UPK1A: variants seen among roughly 807,000 people sequenced by gnomAD.
UPK1A encodes uroplakin 1A, also known as uroplakin-1a.
A neutral mutation model predicts 32.3 loss-of-function variants in UPK1A; 31 were observed. That is an observed-to-expected ratio of 0.96 (90% CI 0.72 to 1.30). The LOEUF is 1.30. Among genes scored for constraint, UPK1A ranks in the 50% most tolerant of loss-of-function variants. The pLI is 0.00. For missense variants in UPK1A, 340 were observed against 357.4 expected (o/e 0.95, Z 0.39); for synonymous variants, 135 against 137.1 (o/e 0.98, Z 0.11).
chr19:35,673,302 A>G (rs1453889092), exon 4 of UPK1A: 1 of 1,613,984 alleles, frequency 6.2e-7, no homozygotes, highest in Non-Finnish European at 8.5e-7. Context: ...ACCCACCGTG[A>G]CTACGTGAGC....
intron 3 of UPK1A, among the ~76,000 whole-genome samples, chr19:35,672,077 A>G (rs921371022): frequency 4.6e-5 from 7 of 152,322 alleles, no homozygotes; most frequent in South Asian, 2.1e-4. Context: ...CTGCTGCTTT[A>G]TAGATGAAGG....
intron 3 of UPK1A, among the ~76,000 whole-genome samples, chr19:35,671,255 C>T (rs754533339): frequency 1.1e-4 from 17 of 149,908 alleles, no homozygotes; most frequent in South Asian, 2.1e-4. Flanking sequence ...GGCGTGGTGG[C>T]GGGCGCCTGT....
At chr19:35,675,062 A>G (rs1968161377) in intron 5 of UPK1A, among the ~76,000 whole-genome samples, 2 of 151,104 alleles carry the variant, frequency 1.3e-5, no homozygotes, top group Non-Finnish European at 2.9e-5. Flanking sequence ...AAAAAAAAGA[A>G]GAAGAAATTG....
chr19:35,674,226 T>A (rs1290488208), intron 5 of UPK1A, among the ~76,000 whole-genome samples: 1 of 150,788 alleles, frequency 6.6e-6, no homozygotes, highest in East Asian at 1.9e-4. Context: ...AGCACATTTT[T>A]TTTTTTCTTT....
chr19:35,674,403 C>T lies in UPK1A; in HGVS notation c.468+858C>T, dbSNP rs1007669893. Among the ~76,000 whole-genome samples the T allele has an allele frequency of 7.2e-5, 11 of 151,942 alleles. No homozygotes were observed. The East Asian group carries it at 7.8e-4, about 11-fold the overall frequency. On this transcript the variant is annotated intron_variant, in intron 5 of 7. Transcript: ENST00000617999. ...CTGGGACTACAGGCGCCTGCCACCG[C>T]GCCCAGCTGATTTTTTGTATTTTTA... is the stretch of plus-strand genomic sequence containing the variant.
At chr19:35,668,391 G>A in intron 2 of UPK1A, 63 bp from the exon 3 acceptor site, 1 of 1,601,686 alleles carries the variant, frequency 6.2e-7, no homozygotes, top group Non-Finnish European at 8.5e-7. Context: ...CTTGCTCGTG[G>A]AGATGCCTGG....
chr19:35,674,241 C>CTTTTTTTTTTTTTTTTTTT (rs35857173), intron 5 of UPK1A, among the ~76,000 whole-genome samples: 2 of 98,978 alleles, frequency 2.0e-5, no homozygotes, highest in Non-Finnish European at 3.9e-5. Flanking sequence ...TTCTTTTTAT[C>CTTTTTTTTTTTTTTTTTTT]TTTTTTTTTT....
chr19:35,673,200 C>T (rs199987553), intron 3 of UPK1A, 32 bp from the exon 4 acceptor site: 19 of 1,610,674 alleles, frequency 1.2e-5, no homozygotes, highest in Admixed American at 1.7e-5. Flanking sequence ...ACGGGCTCTG[C>T]CCGACGGGCC....
exon 6 of UPK1A, chr19:35,675,914 G>A: frequency 1.2e-6 from 2 of 1,613,910 alleles, no homozygotes; most frequent in Non-Finnish European, 1.7e-6. Flanking sequence ...CCACTCCGGA[G>A]GTGGTGTTCC....
At chr19:35,678,051 C>G in exon 8 of UPK1A, 3 of 1,542,478 alleles carry the variant, frequency 1.9e-6, no homozygotes, top group Non-Finnish European at 2.6e-6. Context: ...ATACACACCC[C>G]GGACTCCTCC....
chr19:35,668,812 A>G (rs1968042709), intron 3 of UPK1A, 158 bp downstream of exon 3: 5 of 845,984 alleles, frequency 5.9e-6, no homozygotes, highest in Non-Finnish European at 8.9e-6. Context: ...CCACAGCCCA[A>G]TAACCCAGGC....
chr19:35,668,068 G>T, intron 2 of UPK1A: 1 of 299,406 alleles, frequency 3.3e-6, no homozygotes, highest in Non-Finnish European at 6.5e-6. Flanking sequence ...GACTGCAGGT[G>T]TGAGCCACCT....
intron 3 of UPK1A, 151 bp downstream of exon 3, chr19:35,668,805 C>T (rs1968042589): frequency 2.3e-6 from 2 of 887,330 alleles, no homozygotes; most frequent in Non-Finnish European, 3.4e-6. Context: ...AGTCTTCCCA[C>T]AGCCCAATAA....
intron 5 of UPK1A, 23 bp downstream of exon 5, chr19:35,673,568 T>A (rs370210665): frequency 6.2e-7 from 1 of 1,608,958 alleles, no homozygotes; most frequent in Non-Finnish European, 8.5e-7. Context: ...GACCGGGTGC[T>A]GGGAGGGCCC....
In UPK1A at chr19:35,674,279, C is replaced by T. The variant is rs188517810; in HGVS notation, c.468+734C>T. Among the ~76,000 whole-genome samples the T allele has an allele frequency of 6.3e-3, 755 of 120,652 alleles. 4 individuals carry two copies. The highest frequency in any genetic ancestry group is 0.024 in the African/African-American group (731 of 30,988). 79.2% of individuals were successfully genotyped at this position (120,652 alleles called of 152,430 possible). A position where few individuals can be genotyped will look rare whatever the true frequency, so the allele number is the denominator to read the frequency against. Reference sequence around the variant, plus strand: ...TTTTTTTTTTTGAGACAGAGTCTTGCTCTGTCGCCCAGGCTGGAATGCAGT... The same window carrying T: ...TTTTTTTTTTTGAGACAGAGTCTTGTTCTGTCGCCCAGGCTGGAATGCAGT... On this transcript the variant is annotated intron_variant, in intron 5 of 7. Coordinates refer to ENST00000617999, the Ensembl canonical transcript of UPK1A.
intron 3 of UPK1A, among the ~76,000 whole-genome samples, chr19:35,671,760 C>A (rs1968105399): frequency 6.6e-6 from 1 of 151,854 alleles, no homozygotes; most frequent in Non-Finnish European, 1.5e-5. Flanking sequence ...CCGTGCCCGG[C>A]CCCCAAATTT....
At chr19:35,671,135 TC>T (rs1318661236) in intron 3 of UPK1A, among the ~76,000 whole-genome samples, 1 of 151,894 alleles carries the variant, frequency 6.6e-6, no homozygotes, top group African/African-American at 2.4e-5. Flanking sequence ...ACGCCTGTAA[TC>T]CCAGCAGTTT....
exon 4 of UPK1A, chr19:35,673,288 C>T: frequency 1.2e-6 from 2 of 1,614,104 alleles, no homozygotes; most frequent in Middle Eastern, 3.3e-4. Context: ...GCATCACGTC[C>T]TACACCCACC....
intron 3 of UPK1A, 82 bp from the exon 4 acceptor site, chr19:35,673,150 G>A: frequency 1.4e-6 from 2 of 1,454,410 alleles, no homozygotes; most frequent in Admixed American, 3.4e-5. Context: ...TTTAAAACTT[G>A]CATTTCCCCA....
Sources: gnomAD v4.1 joint callset for allele counts (sites outside exome capture counted in the v4.1 genomes callset) on GRCh38, gnomAD v4.1.1 for gene constraint, MANE v1.5 for transcripts, NCBI Gene and HGNC (gene_info 2026-07-23, HGNC 2026-07-21) for gene names.